CALCOCO2: variants seen among roughly 807,000 people sequenced by gnomAD.
CALCOCO2 encodes calcium binding and coiled-coil domain 2, also known as calcium-binding and coiled-coil domain-containing protein 2.
A neutral mutation model predicts 62.5 loss-of-function variants in CALCOCO2; 42 were observed. That is an observed-to-expected ratio of 0.67 (90% CI 0.53 to 0.87). The LOEUF is 0.87. CALCOCO2 is among the 40% of genes least tolerant of loss of function. The pLI is 0.00. For synonymous variants in CALCOCO2, 167 were observed against 173.0 expected (o/e 0.97, Z 0.27); for missense variants, 456 against 515.0 (o/e 0.89, Z 1.11).
At chr17:48,831,135 T>A (rs1005680648) in intron 1 of CALCOCO2, 57 bp downstream of exon 1, 2 of 152,478 alleles carry the variant, frequency 1.3e-5, no homozygotes, top group African/African-American at 4.8e-5. Flanking sequence ...ACATTCAGAC[T>A]TGCAGTCCTG....
chr17:48,853,689 G>A (rs1448181210), intron 9 of CALCOCO2, among the ~76,000 whole-genome samples: 1 of 152,224 alleles, frequency 6.6e-6, no homozygotes, highest in Non-Finnish European at 1.5e-5. Context: ...AACAAAGTTT[G>A]CAAATCAGCA....
rs1376952514 is a variant in CALCOCO2, at chr17:48,851,183, T to C, written c.632+6T>C. On this transcript the variant is annotated splice_donor_region_variant and intron_variant, in intron 6 of 12. Coordinates refer to ENST00000258947, the MANE Select transcript of CALCOCO2 (RefSeq NM_005831.5). Reference sequence around the variant, plus strand: ...TGGGAGACAGAGCTGCTTCAGTGAGTGCATCCCATAATTCTGGGAGGGGAA... The same window carrying C: ...TGGGAGACAGAGCTGCTTCAGTGAGCGCATCCCATAATTCTGGGAGGGGAA... 3.2e-6 allele frequency: 5 copies of C among 1,547,618 alleles called. No individual in the cohort carries two copies. Among genetic ancestry groups the C allele is most frequent in the East Asian group, 4.5e-5 (2 of 44,570 alleles).
At chr17:48,855,988 A>G (rs1023878627) in intron 9 of CALCOCO2, 104 bp from the exon 10 acceptor site, 11 of 515,834 alleles carry the variant, frequency 2.1e-5, no homozygotes, top group African/African-American at 1.9e-4. Flanking sequence ...GTTCTCCTCC[A>G]TCTCAGTCTC....
intron 2 of CALCOCO2, among the ~76,000 whole-genome samples, chr17:48,846,889 A>G (rs2040060266): frequency 6.6e-6 from 1 of 152,182 alleles, no homozygotes; most frequent in Non-Finnish European, 1.5e-5. Context: ...CCCCTTGAAG[A>G]CACAATAGCT....
intron 2 of CALCOCO2, among the ~76,000 whole-genome samples, chr17:48,845,728 C>CAA (rs534937285): frequency 0.37 from 39,806 of 107,270 alleles, 8,167 homozygotes; most frequent in Non-Finnish European, 0.52. Flanking sequence ...GACTCCATCT[C>CAA]AAAAAAAAAA....
chr17:48,849,184 C>T (rs909794521), intron 4 of CALCOCO2, 68 bp from the exon 5 acceptor site: 19 of 1,502,616 alleles, frequency 1.3e-5, no homozygotes, highest in Non-Finnish European at 1.6e-5. Context: ...AGTCCCTCAC[C>T]ATCCTAACCT....
At position 48,845,496 on chromosome 17, in the gene CALCOCO2, G is replaced by A. The variant is rs555412152; in HGVS notation, c.181-2568G>A. Among the ~76,000 whole-genome samples, 9 of 151,594 alleles carry A rather than the reference G, an allele frequency of 5.9e-5. No individual in the cohort carries two copies. In the South Asian group the frequency reaches 1.5e-3, roughly 25 times the overall value. ...TGTAATCCCAGCACTTTAAGAGGCC[G>A]AGGCAGGTGGATCACCTGAGCTAGG... On this transcript the variant is annotated intron_variant, in intron 2 of 12. Coordinates refer to ENST00000258947, the MANE Select transcript of CALCOCO2 (RefSeq NM_005831.5).
chr17:48,857,300 C>T lies in CALCOCO2; in HGVS notation c.1008+1113C>T, dbSNP rs148779507. Among the ~76,000 whole-genome samples, 727 of 150,906 alleles carry T rather than the reference C, an allele frequency of 4.8e-3. 7 individuals carry two copies. The highest frequency in any genetic ancestry group is 0.017 in the African/African-American group (703 of 41,006). ...GCAACCTCCACCTTCCGGGTTCAAG[C>T]GATTCCCCTGCCTCAGCCTCCTGAG... On this transcript the variant is annotated intron_variant, in intron 10 of 12. Coordinates refer to ENST00000258947, the MANE Select transcript of CALCOCO2 (RefSeq NM_005831.5).
rs1338442055 is a variant in CALCOCO2 at position 48,862,931 on chromosome 17, C to G, written c.1267C>G (p.Pro423Ala). The G allele has an allele frequency of 8.7e-6, 14 of 1,613,614 alleles. No homozygotes were observed. Among genetic ancestry groups the G allele is most frequent in the Non-Finnish European group, 1.1e-5 (13 of 1,179,530 alleles). ...QQMQPLCFNC[P>A]ICDKIFPATE... ...GATGCAGCCCCTTTGTTTCAATTGT[C>G]CAATTTGTGACAAGATCTTCCCAGC... The change falls in exon 13 of 13, where the codon CCA becomes GCA. Residue 423 changes from proline (P) to alanine (A), a missense_variant. By Grantham distance (27) the Pro-to-Ala change is conservative (BLOSUM62 -1). Transcript: ENST00000258947.
chr17:48,855,849 A>C (rs1598042323), intron 9 of CALCOCO2: 5 of 236,424 alleles, frequency 2.1e-5, no homozygotes, highest in African/African-American at 7.4e-5. Context: ...GGTCACTTAT[A>C]CCCTCAGCTA....
At position 48,841,895 on chromosome 17, in the gene CALCOCO2, G is replaced by A. The variant is rs777354852; in HGVS notation, c.180+8G>A. 3.1e-6 allele frequency: 5 copies of A among 1,598,408 alleles called. No homozygotes were observed. The highest frequency in any genetic ancestry group is 3.4e-6 in the Non-Finnish European group (4 of 1,168,636). On this transcript the variant is annotated splice_region_variant and intron_variant, in intron 2 of 12. Transcript: ENST00000258947. ...TGGATTGGCATCTTTAGAGTAAGTG[G>A]TTAATTCAGTACCAAGTGATCAGGA...
chr17:48,837,832 A>C (rs1016198480), intron 1 of CALCOCO2, among the ~76,000 whole-genome samples: 4 of 152,216 alleles, frequency 2.6e-5, no homozygotes, highest in African/African-American at 7.2e-5. Flanking sequence ...TTGGAAGAGC[A>C]GGCCTGGTTG....
chr17:48,846,171 C>T (rs1430636735), intron 2 of CALCOCO2: 5 of 764,054 alleles, frequency 6.5e-6, no homozygotes, highest in Non-Finnish European at 1.0e-5. Flanking sequence ...GAGTCTTGCT[C>T]TGTCACCCAG....
chr17:48,854,092 G>A (rs2040170312), intron 9 of CALCOCO2, among the ~76,000 whole-genome samples: 1 of 151,528 alleles, frequency 6.6e-6, no homozygotes, highest in African/African-American at 2.4e-5. Flanking sequence ...GAGGCAGGTG[G>A]ATCACCTGAG....
At chr17:48,846,689 T>C (rs977327828) in intron 2 of CALCOCO2, among the ~76,000 whole-genome samples, 1 of 152,038 alleles carries the variant, frequency 6.6e-6, no homozygotes, top group African/African-American at 2.4e-5. Flanking sequence ...AGCAATGGGG[T>C]GTGTATTAAT....
Position 48,856,131 on chromosome 17 carries a change from G to A in CALCOCO2, c.952G>A (p.Glu318Lys), listed in dbSNP as rs781375670. 3.9e-5 allele frequency: 62 copies of A among 1,604,024 alleles called. No individual in the cohort carries two copies. Among genetic ancestry groups the A allele is most frequent in the Non-Finnish European group, 5.0e-5 (59 of 1,172,616 alleles). ...FDLSKRLSEN[E>K]IICNALQRQK... The stretch of plus-strand genomic sequence containing the variant: ...CCTGTCAAAAAGACTGAGTGAGAAC[G>A]AAATTATATGTAATGCTCTGCAGAG... The change falls in exon 10 of 13, where the codon GAA becomes AAA. Residue 318 changes from glutamate to lysine, a missense_variant. Physicochemically the swap from Glu to Lys is moderately conservative, Grantham distance 56. Transcript: ENST00000258947.
chr17:48,846,681 C>G (rs2040057910), intron 2 of CALCOCO2, among the ~76,000 whole-genome samples: 1 of 152,140 alleles, frequency 6.6e-6, no homozygotes, highest in Non-Finnish European at 1.5e-5. Flanking sequence ...ATGCTTACAG[C>G]AATGGGGTGT....
chr17:48,835,023 G>A (rs2039871367), intron 1 of CALCOCO2, among the ~76,000 whole-genome samples: 1 of 148,334 alleles, frequency 6.7e-6, no homozygotes, highest in Non-Finnish European at 1.5e-5. Context: ...TCCAGCCTGG[G>A]TGACAGAGTG....
intron 5 of CALCOCO2, 128 bp from the exon 6 acceptor site, chr17:48,850,961 C>A: frequency 6.9e-6 from 4 of 579,514 alleles, no homozygotes; most frequent in Non-Finnish European, 1.3e-5. Context: ...TTGAGTATTT[C>A]ATTTACTGCT....
Sources: gnomAD v4.1 joint callset for allele counts (sites outside exome capture counted in the v4.1 genomes callset) on GRCh38, gnomAD v4.1.1 for gene constraint, MANE v1.5 for transcripts, NCBI Gene and HGNC (gene_info 2026-07-23, HGNC 2026-07-21) for gene names.